Variants in ATM observed in about 807,000 individuals in gnomAD.
ATM encodes the protein serine-protein kinase ATM.
A neutral mutation model predicts 387.0 loss-of-function variants in ATM; 308 were observed. The observed-to-expected ratio is 0.80, with a 90% CI of 0.73 to 0.87. The LOEUF (loss-of-function observed/expected upper bound fraction) is 0.87. Ranked by LOEUF, ATM falls within the 40% of genes least tolerant of loss-of-function variation. The pLI, the probability that ATM is intolerant of heterozygous loss-of-function variation, is 0.00. For synonymous variants in ATM, 1,156 were observed against 1,187.3 expected, an observed-to-expected ratio of 0.97 and a Z score of 0.54; for missense variants, 3,312 against 3,560.9, an observed-to-expected ratio of 0.93 and a Z score of 1.78.
intron 53 of ATM, 105 bp downstream of exon 53, chr11:108,333,005 C>T (rs1050188848): frequency 1.4e-5 from 19 of 1,398,318 alleles, no homozygotes; most frequent in African/African-American, 4.3e-5. Context: ...AAATCACAAA[C>T]GTAATCCAAA....
intron 10 of ATM, 26 bp from the exon 11 acceptor site, chr11:108,251,811 C>T (rs1195242506): frequency 3.1e-6 from 5 of 1,612,788 alleles, no homozygotes; most frequent in East Asian, 4.5e-5. Context: ...GCTTGCTTTT[C>T]ACAATTGTCC....
Position 108,271,266 on chromosome 11 carries a change from GT to G in ATM, c.2938del (p.Tyr980IlefsTer12), listed in dbSNP as rs1565425118. 1 of 1,604,360 alleles carries G rather than the reference GT, an allele frequency of 6.2e-7. No individual in the cohort carries two copies. Among genetic ancestry groups the G allele is most frequent in the Non-Finnish European group, 8.5e-7 (1 of 1,177,360 alleles). On this transcript the variant is annotated frameshift_variant, in exon 20 of 63. Coordinates refer to ENST00000675843, the MANE Select transcript of ATM (RefSeq NM_000051.4). LOFTEE classifies it high-confidence loss of function. The part of the protein sequence containing the change: ...LKPLSNVCSL[Y>X]RRDQDVCKTI... ...TTTACCACAGCAATGTGTGTTCTTT[GT>G]ATCGTCGTGACCAAGATGTTTGTAA...
At chr11:108,280,813 AT>A (rs1474316698) in intron 23 of ATM, among the ~76,000 whole-genome samples, 181 bp from the exon 24 acceptor site, 8 of 152,186 alleles carry the variant, frequency 5.3e-5, no homozygotes, top group Admixed American at 5.2e-4. Flanking sequence ...AGTGCTTGTG[AT>A]TTAGCAAAGG....
chr11:108,227,876 A>G lies in ATM; in HGVS notation c.173A>G (p.Asp58Gly), dbSNP rs1378701359. Residue 58 changes from aspartate to glycine, a missense_variant, in exon 3 of 63, where the codon GAT becomes GGT. Physicochemically the swap from Asp to Gly is moderately conservative, Grantham distance 94 (BLOSUM62 -1). Coordinates refer to ENST00000675843, the MANE Select transcript of ATM (RefSeq NM_000051.4). ...AAACAAGGAAAATATTTGAATTGGGATGCTGTTTTTAGGTATTCTATTCAA... is the reference window on the plus strand; with the variant it reads ...AAACAAGGAAAATATTTGAATTGGGGTGCTGTTTTTAGGTATTCTATTCAA... ...DSKQGKYLNW[D>G]AVFRFLQKYI... The G allele has an allele frequency of 6.2e-7, 1 of 1,611,648 alleles. No individual in the cohort carries two copies. Among genetic ancestry groups the G allele is most frequent in the Non-Finnish European group, 8.5e-7 (1 of 1,178,734 alleles).
chr11:108,287,805 T>C, intron 27 of ATM, 90 bp downstream of exon 27: 1 of 888,880 alleles, frequency 1.1e-6, no homozygotes, highest in Non-Finnish European at 1.8e-6. Flanking sequence ...TCTATTTCAA[T>C]TTATAGACAT....
At chr11:108,299,454 C>G (rs962580275) in intron 33 of ATM, 4 of 364,054 alleles carry the variant, frequency 1.1e-5, no homozygotes, top group Non-Finnish European at 2.1e-5. Context: ...TGCGCCACCA[C>G]GCCTGGCTAA....
Position 108,240,603 on chromosome 11 carries a change from A to G in ATM, c.497-3350A>G, listed in dbSNP as rs573814687. On this transcript the variant is annotated intron_variant, in intron 5 of 62. Coordinates refer to ENST00000675843, the MANE Select transcript of ATM (RefSeq NM_000051.4). ...GAATACTGTAGGCAGCTGTAACACA[A>G]TGGCAAGTATTTGTGTCTCTAAACA... 5.9e-5 allele frequency among the ~76,000 whole-genome samples: 9 copies of G among 152,218 alleles called. No homozygotes were observed. In the South Asian group the frequency reaches 6.2e-4, roughly 11 times the overall value.
intron 16 of ATM, among the ~76,000 whole-genome samples, chr11:108,260,150 T>G (rs2080776895): frequency 6.7e-6 from 1 of 149,152 alleles, no homozygotes; most frequent in African/African-American, 2.5e-5. Flanking sequence ...TTCTCCTGCC[T>G]CAGCCTCCCA....
At position 108,243,933 on chromosome 11, in the gene ATM, A is replaced by AG; in HGVS notation, c.497-20_497-19insG. ...TGATTTTTAAAAAATCATGACTAAT[A>AG]ATTTTTTTTTTTTTTTAAGAATTGT... On this transcript the variant is annotated intron_variant, in intron 5 of 62. Coordinates refer to ENST00000675843, the MANE Select transcript of ATM (RefSeq NM_000051.4). The AG allele has an allele frequency of 7.1e-7, 1 of 1,407,022 alleles. No homozygotes were observed. Among genetic ancestry groups the AG allele is most frequent in the Non-Finnish European group, 9.8e-7 (1 of 1,024,316 alleles). 87.2% of individuals were successfully genotyped at this position (1,407,022 alleles called of 1,614,324 possible). A position where few individuals can be genotyped will look rare whatever the true frequency, so the allele number is the denominator to read the frequency against.
chr11:108,227,540 C>G lies in ATM; in HGVS notation c.-30-55C>G, dbSNP rs141376974. On this transcript the variant is annotated intron_variant, in intron 1 of 62. Coordinates refer to ENST00000675843, the MANE Select transcript of ATM (RefSeq NM_000051.4). ...CACATTTTTTCACACCTCTTTCTCT[C>G]TATATATGCATATATACATATACAT... 18 of 1,091,306 alleles carry G rather than the reference C, an allele frequency of 1.6e-5. No individual in the cohort carries two copies. In the Admixed American group the frequency reaches 3.0e-4, roughly 18 times the overall value. The allele number at this position is 1,091,306 out of a possible 1,614,324, so 67.6% of individuals were successfully genotyped here.
rs1555138027 is a variant in ATM, at chr11:108,345,762, T to C, written c.8438T>C (p.Phe2813Ser). 1.9e-6 allele frequency: 3 copies of C among 1,612,070 alleles called. No homozygotes were observed. Among genetic ancestry groups the C allele is most frequent in the Admixed American group, 3.3e-5 (2 of 59,898 alleles). ...KKMMEVQKKSFEEKYEVFMDV... is the reference protein window; with the variant it reads ...KKMMEVQKKSSEEKYEVFMDV... ...TTAAAGGAGGTGCAAAAAAAGTCTT[T>C]TGAAGAGAAATATGAAGTCTTCATG... is the stretch of plus-strand genomic sequence containing the variant. The change falls in exon 58 of 63, where the codon TTT becomes TCT. Residue 2813 changes from phenylalanine to serine, a missense_variant. Around this residue, in one of 4 missense-constraint regions of ATM, gnomAD observed 1,405 missense variants for 1,604.4 expected, o/e 0.88. Coordinates refer to ENST00000675843, the MANE Select transcript of ATM (RefSeq NM_000051.4).
At position 108,243,943 on chromosome 11, in the gene ATM, T is replaced by G; in HGVS notation, c.497-10T>G. 1 of 1,534,228 alleles carries G rather than the reference T, an allele frequency of 6.5e-7. No individual in the cohort carries two copies. The highest frequency in any genetic ancestry group is 8.8e-7 in the Non-Finnish European group (1 of 1,141,132). On this transcript the variant is annotated splice_polypyrimidine_tract_variant and intron_variant, in intron 5 of 62. Coordinates refer to ENST00000675843, the MANE Select transcript of ATM (RefSeq NM_000051.4). ...AAAATCATGACTAATAATTTTTTTTTTTTTTTAAGAATTGTTCTCTGTGTA... is the reference window on the plus strand; with the variant it reads ...AAAATCATGACTAATAATTTTTTTTGTTTTTTAAGAATTGTTCTCTGTGTA...
intron 60 of ATM, among the ~76,000 whole-genome samples, chr11:108,354,082 C>G (rs1009528287): frequency 6.7e-6 from 1 of 150,296 alleles, no homozygotes; most frequent in Non-Finnish European, 1.5e-5. Flanking sequence ...CACACACACA[C>G]ACACACACAC....
intron 47 of ATM, chr11:108,327,317 G>T: frequency 3.4e-6 from 1 of 290,190 alleles, no homozygotes; most frequent in Non-Finnish European, 6.7e-6. Flanking sequence ...GCAAATTGGG[G>T]TAATAATAGT....
At chr11:108,250,502 G>T (rs531093018) in intron 9 of ATM, among the ~76,000 whole-genome samples, 199 bp from the exon 10 acceptor site, 17 of 152,254 alleles carry the variant, frequency 1.1e-4, no homozygotes, top group African/African-American at 4.1e-4. Flanking sequence ...TACCCAGCTA[G>T]CCAAACGTTG....
At chr11:108,262,028 G>C (rs907708322) in intron 16 of ATM, among the ~76,000 whole-genome samples, 4 of 152,032 alleles carry the variant, frequency 2.6e-5, no homozygotes, top group Non-Finnish European at 5.9e-5. Flanking sequence ...GAAAGTAACG[G>C]GGAGAATGGA....
At chr11:108,324,056 GA>G (rs10708230) in intron 45 of ATM, among the ~76,000 whole-genome samples, 151,301 of 152,066 alleles carry the variant, frequency 0.99, 75,279 homozygotes, top group Middle Eastern at 1. Flanking sequence ...AAAAATATTT[GA>G]AAAAAAAATT....
At chr11:108,317,578 A>C in intron 43 of ATM, 57 bp downstream of exon 43, 1 of 1,454,354 alleles carries the variant, frequency 6.9e-7, no homozygotes, top group Non-Finnish European at 9.3e-7. Context: ...CTAAACAACA[A>C]CTGTTTTTCT....
intron 36 of ATM, among the ~76,000 whole-genome samples, chr11:108,303,970 C>T (rs1217100992): frequency 6.6e-6 from 1 of 152,080 alleles, no homozygotes; most frequent in Non-Finnish European, 1.5e-5. Context: ...AAAAAGGGTG[C>T]AATTAGTAAT....
Sources: gnomAD v4.1 joint callset for allele counts (sites outside exome capture counted in the v4.1 genomes callset) on GRCh38, gnomAD v4.1.1 for gene constraint, gnomAD v4.1.1 regional missense constraint, MANE v1.5 for transcripts, NCBI Gene and HGNC (gene_info 2026-07-23, HGNC 2026-07-21) for gene names.